Variants in CST7 observed in about 807,000 individuals in gnomAD.
CST7 encodes cystatin F.
CST7 carries 15 observed loss-of-function variants against 13.1 expected under a neutral mutation model. That is an observed-to-expected ratio of 1.14 (90% confidence interval 0.77 to 1.76). The LOEUF (loss-of-function observed/expected upper bound fraction) is 1.76. Among genes scored for constraint, CST7 ranks in the 40% most tolerant of loss-of-function variants. CST7 has a pLI of 0.00. For synonymous variants in CST7, 75 were observed against 66.9 expected (o/e 1.12, Z -0.59); for missense variants, 193 against 178.8 (o/e 1.08, Z -0.45).
At chr20:24,951,071 C>T (rs894738419) in intron 1 of CST7, among the ~76,000 whole-genome samples, 4 of 152,136 alleles carry the variant, frequency 2.6e-5, no homozygotes, top group Non-Finnish European at 4.4e-5. Flanking sequence ...CAGCTGGCAA[C>T]GTCATTTTCC....
chr20:24,959,527 A>C, intron 3 of CST7, 108 bp from the exon 4 acceptor site: 1 of 1,026,732 alleles, frequency 9.7e-7, no homozygotes, highest in Non-Finnish European at 1.5e-6. Context: ...TTTCAAAATG[A>C]AAAATAGGGG....
intron 2 of CST7, 124 bp from the exon 3 acceptor site, chr20:24,958,804 T>C: frequency 1.4e-6 from 1 of 719,260 alleles, no homozygotes; most frequent in Non-Finnish European, 2.5e-6. Context: ...TGCCCCAAGA[T>C]GCTGGCCCAC....
In CST7 at chr20:24,957,339, A is replaced by C. The variant is rs766108539; in HGVS notation, c.123A>C (p.Thr41=). 1 of 1,613,728 alleles carries C rather than the reference A, an allele frequency of 6.2e-7. No homozygotes were observed. The highest frequency in any genetic ancestry group is 1.1e-5 in the South Asian group (1 of 91,084). Residue 41 remains threonine, a synonymous_variant, in exon 2 of 4, where the codon ACA becomes ACC. Coordinates refer to ENST00000480798, the MANE Select transcript of CST7 (RefSeq NM_003650.4). ...GTGTGAAGCCAGGATTTCCTAAAAC[A>C]ATAAAGACCAATGACCCAGGAGTCC... is the stretch of plus-strand genomic sequence containing the variant. The part of the protein sequence containing the change: ...NSRVKPGFPK[T]IKTNDPGVLQ...
At chr20:24,953,855 G>A (rs1328520761) in intron 1 of CST7, among the ~76,000 whole-genome samples, 1 of 152,120 alleles carries the variant, frequency 6.6e-6, no homozygotes. Flanking sequence ...TCACAAGCCT[G>A]ACGGTCCGTG....
intron 1 of CST7, among the ~76,000 whole-genome samples, chr20:24,952,366 G>A (rs1053335255): frequency 2.6e-5 from 4 of 152,172 alleles, no homozygotes; most frequent in Non-Finnish European, 5.9e-5. Context: ...GGTTAAGGTC[G>A]GGACTGATCT....
At chr20:24,955,473 G>A (rs1413776377) in intron 1 of CST7, among the ~76,000 whole-genome samples, 3 of 146,836 alleles carry the variant, frequency 2.0e-5, no homozygotes, top group South Asian at 2.2e-4. Flanking sequence ...TTTCTGAGAC[G>A]GAGTCTCGCT....
chr20:24,952,601 C>T (rs577894715), intron 1 of CST7, among the ~76,000 whole-genome samples: 57 of 152,342 alleles, frequency 3.7e-4, no homozygotes, highest in African/African-American at 1.2e-3. Context: ...TTGCACCCCC[C>T]CAACACCCCA....
chr20:24,956,778 C>T (rs548330636), intron 1 of CST7, among the ~76,000 whole-genome samples: 1 of 151,806 alleles, frequency 6.6e-6, no homozygotes, highest in South Asian at 2.1e-4. Flanking sequence ...CTCCATCTAC[C>T]GCCCAGAGGG....
intron 2 of CST7, among the ~76,000 whole-genome samples, chr20:24,957,765 C>T (rs1041845632): frequency 8.5e-5 from 13 of 152,168 alleles, no homozygotes; most frequent in African/African-American, 2.9e-4. Context: ...CTGAGGCAGG[C>T]GCCAAGGCTG....
rs928281229 is a variant in CST7 at position 24,958,911 on chromosome 20, C to T, written c.244-17C>T. The T allele has an allele frequency of 1.3e-6, 2 of 1,585,122 alleles. No individual in the cohort carries two copies. The highest frequency in any genetic ancestry group is 8.7e-7 in the Non-Finnish European group (1 of 1,153,662). On this transcript the variant is annotated splice_polypyrimidine_tract_variant and intron_variant, in intron 2 of 3. Transcript: ENST00000480798. Reference sequence around the variant, plus strand: ...CCTCCCCTGTGCCCAGTAACCCAGTCCCTTTGCTCCCTCCAGATAGTGAAA... The same window carrying T: ...CCTCCCCTGTGCCCAGTAACCCAGTTCCTTTGCTCCCTCCAGATAGTGAAA...
Position 24,949,555 on chromosome 20 carries a change from C to A in CST7, c.50C>A (p.Thr17Asn). The change falls in exon 1 of 4, where the codon ACC (threonine) becomes AAC (asparagine). Residue 17 changes from threonine (T) to asparagine (N), a missense_variant. Transcript: ENST00000480798. ...GCCTTCTGCTGCCTGGTCTTGAGCA[C>A]CACTGGGGGCCCTTCCCCAGGTAAG... ...LLAFCCLVLS[T>N]TGGPSPDTCS... 1 of 1,614,134 alleles carries A rather than the reference C, an allele frequency of 6.2e-7. No individual in the cohort carries two copies. Among genetic ancestry groups the A allele is most frequent in the Non-Finnish European group, 8.5e-7 (1 of 1,180,038 alleles).
At position 24,959,824 on chromosome 20, in the gene CST7, G is replaced by T; in HGVS notation, c.*112G>T. ...TCACAGACCCTCTCAGGCCTCTGAC[G>T]AGTGAGCGGGTGAAGTGCCACTGGG... On this transcript the variant is annotated 3_prime_UTR_variant, in exon 4 of 4. Coordinates refer to ENST00000480798, the MANE Select transcript of CST7 (RefSeq NM_003650.4). 9.3e-7 allele frequency: 1 copy of T among 1,079,360 alleles called. No individual in the cohort carries two copies. The highest frequency in any genetic ancestry group is 1.8e-5 in the Admixed American group (1 of 57,090). 66.9% of individuals were successfully genotyped at this position (1,079,360 alleles called of 1,614,324 possible).
chr20:24,956,302 G>A (rs1395247497), intron 1 of CST7, among the ~76,000 whole-genome samples: 2 of 152,164 alleles, frequency 1.3e-5, no homozygotes, highest in African/African-American at 4.8e-5. Flanking sequence ...GCTCTGAGTT[G>A]ACACTGACGT....
intron 2 of CST7, among the ~76,000 whole-genome samples, chr20:24,958,599 C>T (rs1343534965): frequency 6.6e-6 from 1 of 152,212 alleles, no homozygotes; most frequent in Non-Finnish European, 1.5e-5. Context: ...CCACAAGAAA[C>T]AGCCATCATG....
chr20:24,949,615 T>C (rs544787291), intron 1 of CST7, 40 bp downstream of exon 1: 3 of 1,610,832 alleles, frequency 1.9e-6, no homozygotes, highest in Non-Finnish European at 2.5e-6. Context: ...CGGGGGTCTC[T>C]CCCTGAGATT....
intron 1 of CST7, among the ~76,000 whole-genome samples, chr20:24,953,593 G>A (rs1373626066): frequency 3.3e-5 from 5 of 152,060 alleles, no homozygotes; most frequent in Non-Finnish European, 7.4e-5. Flanking sequence ...TCAGCACCTG[G>A]TATCATCAGG....
intron 1 of CST7, 87 bp downstream of exon 1, chr20:24,949,662 C>A: frequency 6.5e-7 from 1 of 1,544,598 alleles, no homozygotes; most frequent in Non-Finnish European, 8.8e-7. Context: ...AGGGCACTTT[C>A]CTAGCTTGGA....
intron 1 of CST7, among the ~76,000 whole-genome samples, chr20:24,952,652 TG>T (rs540944477): frequency 6.6e-6 from 1 of 152,154 alleles, no homozygotes; most frequent in Non-Finnish European, 1.5e-5. Context: ...CTCTGGGTGA[TG>T]GGGGCCGATG....
intron 1 of CST7, among the ~76,000 whole-genome samples, chr20:24,952,230 ACT>A (rs2087824063): frequency 6.6e-6 from 1 of 152,136 alleles, no homozygotes; most frequent in African/African-American, 2.4e-5. Flanking sequence ...ATATATTCTC[ACT>A]GTCGTCAGCA....
Sources: allele counts gnomAD v4.1 joint callset (sites outside exome capture counted in the v4.1 genomes callset), GRCh38; gene constraint gnomAD v4.1.1; transcripts MANE v1.5; gene names NCBI Gene and HGNC (gene_info 2026-07-23, HGNC 2026-07-21).